R3HDM2: variants seen among roughly 807,000 people sequenced by gnomAD.
The protein encoded by R3HDM2 is R3H domain containing 2, also known as R3H domain-containing protein 2.
A neutral mutation model predicts 124.5 loss-of-function variants in R3HDM2; 38 were observed. The ratio of observed to expected loss-of-function variants is 0.31; its 90% CI spans 0.24 to 0.40. R3HDM2 has a LOEUF of 0.40. Among genes scored for constraint, R3HDM2 ranks in the 10% least tolerant of loss-of-function variants. R3HDM2 has a pLI of 1.00. For missense variants in R3HDM2, 869 were observed against 1,236.9 expected, an observed-to-expected ratio of 0.70 and a Z score of 4.46; for synonymous variants, 391 against 448.0, an observed-to-expected ratio of 0.87 and a Z score of 1.61.
At chr12:57,266,619 G>A in intron 19 of R3HDM2, 112 bp downstream of exon 19, 1 of 811,774 alleles carries the variant, frequency 1.2e-6, no homozygotes, top group East Asian at 2.8e-5. Flanking sequence ...GTCACAGTGG[G>A]GACAGACCCA....
chr12:57,311,218 A>G (rs2053835057), intron 2 of R3HDM2, among the ~76,000 whole-genome samples: 1 of 151,614 alleles, frequency 6.6e-6, no homozygotes, highest in African/African-American at 2.4e-5. Context: ...AGAATCTATA[A>G]AATCTTATAT....
intron 11 of R3HDM2, among the ~76,000 whole-genome samples, chr12:57,289,289 G>A (rs537896317): frequency 2.0e-5 from 3 of 152,232 alleles, no homozygotes; most frequent in African/African-American, 7.2e-5. Flanking sequence ...GGCTGACAAA[G>A]GCAGGAGTGT....
At chr12:57,312,572 A>G (rs1477572912) in intron 2 of R3HDM2, among the ~76,000 whole-genome samples, 1 of 152,030 alleles carries the variant, frequency 6.6e-6, no homozygotes, top group South Asian at 2.1e-4. Context: ...ACACAATTGC[A>G]AAGTCATATA....
In R3HDM2 at chr12:57,356,771, G is replaced by A. The variant is rs899568076; in HGVS notation, c.-36+38978C>T. On this transcript the variant is annotated intron_variant, in intron 2 of 23. Transcript: ENST00000402412. ...TCAGGTTATGTTTCTTTTTGAATGA[G>A]CTTTAGCAGTTTGTGTCTTTCATGA... is the stretch of plus-strand genomic sequence containing the variant. Among the ~76,000 whole-genome samples the A allele has an allele frequency of 6.6e-5, 10 of 152,208 alleles. 1 individual carries two copies. Among genetic ancestry groups the A allele is most frequent in the Admixed American group, 6.5e-4 (10 of 15,276 alleles).
chr12:57,289,969 T>C (rs776044699), intron 11 of R3HDM2, among the ~76,000 whole-genome samples: 9 of 152,218 alleles, frequency 5.9e-5, no homozygotes, highest in Non-Finnish European at 1.3e-4. Context: ...GTCTAGACTT[T>C]CTGAGATTCC....
chr12:57,307,850 A>G (rs2053040328), intron 3 of R3HDM2, among the ~76,000 whole-genome samples: 1 of 151,672 alleles, frequency 6.6e-6, no homozygotes, highest in South Asian at 2.1e-4. Flanking sequence ...ATGCATAGAG[A>G]GTAGAGTGCT....
intron 12 of R3HDM2, among the ~76,000 whole-genome samples, chr12:57,284,661 G>C (rs1364923606): frequency 6.6e-6 from 1 of 152,184 alleles, no homozygotes; most frequent in East Asian, 1.9e-4. Flanking sequence ...AACCTGTTTT[G>C]TGGAAATTCC....
chr12:57,421,254 C>T (rs570858006), intron 1 of R3HDM2, among the ~76,000 whole-genome samples: 2 of 145,764 alleles, frequency 1.4e-5, no homozygotes, highest in Non-Finnish European at 3.0e-5. Flanking sequence ...TAGATTCAAG[C>T]AATTCTCCTG....
chr12:57,330,051 C>T (rs2057916399), intron 2 of R3HDM2, among the ~76,000 whole-genome samples: 1 of 152,152 alleles, frequency 6.6e-6, no homozygotes, highest in African/African-American at 2.4e-5. Context: ...ACCGCAACCT[C>T]CGCCTCCCGG....
chr12:57,256,555 T>C (rs1413591691), intron 21 of R3HDM2, 44 bp from the exon 22 acceptor site: 7 of 1,413,094 alleles, frequency 5.0e-6, no homozygotes, highest in South Asian at 3.9e-5. Context: ...TTAAGCTTCA[T>C]AGTATGACTT....
chr12:57,413,362 G>C (rs1019145455), intron 1 of R3HDM2, among the ~76,000 whole-genome samples: 2 of 151,222 alleles, frequency 1.3e-5, no homozygotes, highest in Admixed American at 6.6e-5. Flanking sequence ...GGGATGCTGA[G>C]GTGGGAGAAT....
intron 1 of R3HDM2, among the ~76,000 whole-genome samples, chr12:57,414,596 C>G (rs902603524): frequency 6.7e-6 from 1 of 149,204 alleles, no homozygotes; most frequent in East Asian, 2.0e-4. Context: ...TTTGGGAGGC[C>G]GAGGCAGAGA....
intron 2 of R3HDM2, among the ~76,000 whole-genome samples, chr12:57,332,062 C>A (rs890874778): frequency 6.6e-6 from 1 of 151,404 alleles, no homozygotes; most frequent in Non-Finnish European, 1.5e-5. Flanking sequence ...CCAGCCTGGA[C>A]CACAGAGCAA....
chr12:57,316,022 G>C (rs983717619), intron 2 of R3HDM2, among the ~76,000 whole-genome samples: 6 of 152,186 alleles, frequency 3.9e-5, no homozygotes, highest in Non-Finnish European at 7.3e-5. Flanking sequence ...AGTTGAGCCT[G>C]GGAGGCAGAG....
At chr12:57,418,126 C>T in intron 1 of R3HDM2, 1 of 982,010 alleles carries the variant, frequency 1.0e-6, no homozygotes, top group African/African-American at 1.7e-5. Flanking sequence ...CCTCTAATCC[C>T]AAACCTACCC....
At chr12:57,355,562 A>G (rs1469129347) in intron 2 of R3HDM2, among the ~76,000 whole-genome samples, 3 of 152,122 alleles carry the variant, frequency 2.0e-5, no homozygotes, top group Admixed American at 2.0e-4. Context: ...ATCAACTGAC[A>G]TGTTTATTTC....
chr12:57,296,576 A>T lies in R3HDM2; in HGVS notation c.561-25T>A. ...ACTGAAGGGAAACCCGGGGAAAAAAAGTGAAATAAGACAAACAACTGCAAT... is the reference window on the plus strand; with the variant it reads ...ACTGAAGGGAAACCCGGGGAAAAAATGTGAAATAAGACAAACAACTGCAAT... On this transcript the variant is annotated intron_variant, in intron 8 of 23. Coordinates refer to ENST00000402412, the MANE Select transcript of R3HDM2 (RefSeq NM_001394031.1). The surrounding 1 kb of genome is among the most constrained non-coding windows in gnomAD (Gnocchi z 4.5). The T allele has an allele frequency of 6.5e-7, 1 of 1,545,092 alleles. No individual in the cohort carries two copies.
chr12:57,266,343 G>A (rs1440066887), intron 19 of R3HDM2, among the ~76,000 whole-genome samples: 5 of 151,818 alleles, frequency 3.3e-5, no homozygotes, highest in Admixed American at 6.6e-5. Context: ...CGATCCACCC[G>A]CCTTGGCCTC....
At chr12:57,260,835 T>C (rs1292790126) in intron 19 of R3HDM2, among the ~76,000 whole-genome samples, 1 of 152,056 alleles carries the variant, frequency 6.6e-6, no homozygotes, top group Non-Finnish European at 1.5e-5. Context: ...TGCTGGGAAG[T>C]GAGCGTGATT....
Sources: allele counts gnomAD v4.1 joint callset (sites outside exome capture counted in the v4.1 genomes callset), GRCh38; gene constraint gnomAD v4.1.1; non-coding constraint Gnocchi (gnomAD v3.1); transcripts MANE v1.5; gene names NCBI Gene and HGNC (gene_info 2026-07-23, HGNC 2026-07-21).